The following PTOV1 variants were observed in gnomAD, a reference collection of about 807,000 sequenced individuals.
PTOV1 encodes PTOV1 extended AT-hook containing adaptor protein.
A neutral mutation model predicts 58.0 loss-of-function variants in PTOV1; 20 were observed. The observed-to-expected ratio is 0.34, with a 90% CI of 0.24 to 0.50. The LOEUF (loss-of-function observed/expected upper bound fraction) is 0.50, where lower values mean the gene tolerates loss of function less well. Ranked by LOEUF, PTOV1 falls within the 20% of genes least tolerant of loss-of-function variation. The pLI is 0.98. For missense variants in PTOV1, 593 were observed against 565.4 expected (o/e 1.05, Z -0.50); for synonymous variants, 335 against 234.2 (o/e 1.43, Z -3.93).
At chr19:49,851,618 G>T in intron 1 of PTOV1, 119 bp downstream of exon 1, 1 of 1,056,726 alleles carries the variant, frequency 9.5e-7, no homozygotes, top group Non-Finnish European at 1.2e-6. Flanking sequence ...TGGCCCGAAG[G>T]GTGGTCCCGC....
chr19:49,851,961 C>A (rs917605640), intron 1 of PTOV1: 2 of 985,268 alleles, frequency 2.0e-6, no homozygotes, highest in African/African-American at 1.7e-5. Flanking sequence ...GCGGCCGCTC[C>A]GTGCCCGTGG....
In PTOV1 at chr19:49,858,861, T is replaced by C. The variant is rs150359374; in HGVS notation, c.1041+208T>C. On this transcript the variant is annotated intron_variant, in intron 10 of 11. Coordinates refer to ENST00000391842, the Ensembl canonical transcript of PTOV1. ...CACTGACCCTGGTTCTGCGGGGGCC[T>C]GCTCCTCCTCTGCCACATCAGGGCT... 3,621 of 536,808 alleles carry C rather than the reference T, an allele frequency of 6.7e-3. 24 individuals carry two copies. The highest frequency in any genetic ancestry group is 0.02 in the Middle Eastern group (40 of 2,000). 33.3% of individuals were successfully genotyped at this position (536,808 alleles called of 1,614,324 possible). A position where few individuals can be genotyped will look rare whatever the true frequency, so the allele number is the denominator to read the frequency against.
intron 10 of PTOV1, 199 bp from the exon 11 acceptor site, chr19:49,859,787 T>C: frequency 1.6e-6 from 1 of 613,968 alleles, no homozygotes; most frequent in Admixed American, 2.9e-5. Flanking sequence ...CGACAGAGCC[T>C]GTTGGCCTTT....
At chr19:49,860,307 G>C in exon 12 of PTOV1, 1 of 1,602,478 alleles carries the variant, frequency 6.2e-7, no homozygotes, top group Non-Finnish European at 8.5e-7. Flanking sequence ...GCCCCTCCAG[G>C]AGTCACAGAT....
At chr19:49,859,764 C>G in intron 10 of PTOV1, 1 of 585,952 alleles carries the variant, frequency 1.7e-6, no homozygotes. Context: ...AATGCAGGTT[C>G]TTGGGCCCTT....
chr19:49,853,689 G>A (rs2074348557), intron 1 of PTOV1, among the ~76,000 whole-genome samples: 1 of 152,060 alleles, frequency 6.6e-6, no homozygotes, highest in Non-Finnish European at 1.5e-5. Flanking sequence ...TGGCTTTATT[G>A]CTAGAACTTT....
chr19:49,854,296 C>T, intron 1 of PTOV1, 110 bp from the exon 2 acceptor site: 1 of 1,424,908 alleles, frequency 7.0e-7, no homozygotes, highest in Non-Finnish European at 9.5e-7. Context: ...GGGCTTCCAG[C>T]AGGGGATTTG....
intron 1 of PTOV1, chr19:49,853,254 T>C (rs958298428): frequency 6.6e-6 from 1 of 152,166 alleles, no homozygotes; most frequent in Non-Finnish European, 1.5e-5. Flanking sequence ...TAATTTGTTT[T>C]CCCCCGCCTG....
Position 49,860,678 on chromosome 19 carries a change from CCT to C in PTOV1, c.*400_*401del, listed in dbSNP as rs2074718837. 1.6e-5 allele frequency: 6 copies of C among 386,852 alleles called. No individual in the cohort carries two copies. The South Asian group carries it at 2.5e-4, about 16-fold the overall frequency. 24.0% of individuals were successfully genotyped at this position (386,852 alleles called of 1,614,324 possible). The stretch of plus-strand genomic sequence containing the variant: ...TGCCCAGCAACATGGAGGATGGTGT[CCT>C]GAGGCCTCCAAGGACGGTCCCCACC... On this transcript the variant is annotated 3_prime_UTR_variant, in exon 12 of 12. Transcript: ENST00000391842.
intron 1 of PTOV1, 41 bp from the exon 2 acceptor site, chr19:49,854,365 C>T: frequency 6.3e-7 from 1 of 1,582,930 alleles, no homozygotes; most frequent in South Asian, 1.1e-5. Context: ...CCTTGCAGGC[C>T]CCGGCCTCAG....
intron 9 of PTOV1, 108 bp from the exon 10 acceptor site, chr19:49,858,441 G>A (rs928948389): frequency 1.2e-6 from 1 of 856,240 alleles, no homozygotes; most frequent in African/African-American, 1.7e-5. Context: ...AGGTAGGGAG[G>A]ACAGGGGAGT....
At chr19:49,859,998 C>T (rs754708401) in exon 11 of PTOV1, 3 of 1,614,148 alleles carry the variant, frequency 1.9e-6, no homozygotes, top group Non-Finnish European at 2.5e-6. Context: ...CGGCTGCGTG[C>T]ACTTTTCCTA....
intron 10 of PTOV1, chr19:49,858,948 T>G: frequency 3.5e-6 from 1 of 288,042 alleles, no homozygotes. Flanking sequence ...CACTCCTGGT[T>G]TCCCGGGAGC....
At position 49,857,686 on chromosome 19, in the gene PTOV1, C is replaced by G. The variant is rs758810107; in HGVS notation, c.715-7C>G. The stretch of plus-strand genomic sequence containing the variant: ...GCCCCTCTTCCCACCCCGTTCCCTT[C>G]CAACAGGCAGTGGGACCTGGTGGTG... On this transcript the variant is annotated splice_region_variant and splice_polypyrimidine_tract_variant and intron_variant, in intron 6 of 11. Coordinates refer to ENST00000391842, the Ensembl canonical transcript of PTOV1. The G allele has an allele frequency of 7.4e-6, 12 of 1,613,430 alleles. No homozygotes were observed. The highest frequency in any genetic ancestry group is 2.7e-5 in the African/African-American group (2 of 74,926).
chr19:49,857,294 T>G (rs947636078), intron 6 of PTOV1, 164 bp downstream of exon 6: 2 of 1,019,690 alleles, frequency 2.0e-6, no homozygotes, highest in East Asian at 2.5e-5. Context: ...CAGGGCTCCA[T>G]GGAAAAGCGG....
intron 1 of PTOV1, chr19:49,852,518 G>A (rs1315036491): frequency 6.6e-6 from 1 of 152,198 alleles, no homozygotes; most frequent in African/African-American, 2.4e-5. Flanking sequence ...GCGCAGTTTT[G>A]CACACGATTG....
In PTOV1 at chr19:49,860,648, T is replaced by G. The variant is rs2074717403; in HGVS notation, c.*369T>G. ...TTCTGAGCAGGGGCCCCTGGGGACT[T>G]CAACTGCCCAGCAACATGGAGGATG... On this transcript the variant is annotated 3_prime_UTR_variant, in exon 12 of 12. Coordinates refer to ENST00000391842, the Ensembl canonical transcript of PTOV1. The G allele has an allele frequency of 1.2e-5, 5 of 428,296 alleles. No individual in the cohort carries two copies. The South Asian group carries it at 1.2e-4, about 10-fold the overall frequency. 26.5% of individuals were successfully genotyped at this position (428,296 alleles called of 1,614,324 possible). A position where few individuals can be genotyped will look rare whatever the true frequency, so the allele number is the denominator to read the frequency against.
At chr19:49,858,230 G>T (rs2074569036) in intron 9 of PTOV1, 116 bp downstream of exon 9, 4 of 1,320,220 alleles carry the variant, frequency 3.0e-6, no homozygotes, top group Non-Finnish European at 4.1e-6. Context: ...GAGCGGAGCT[G>T]AGGGTGCTGA....
At chr19:49,860,421 C>A in exon 12 of PTOV1, 1 of 1,305,076 alleles carries the variant, frequency 7.7e-7, no homozygotes, top group South Asian at 1.4e-5. Flanking sequence ...GCGACCTTGG[C>A]CTTGGGGAGA....
Sources: gnomAD v4.1 joint callset for allele counts (sites outside exome capture counted in the v4.1 genomes callset) on GRCh38, gnomAD v4.1.1 for gene constraint, MANE v1.5 for transcripts, NCBI Gene and HGNC (gene_info 2026-07-23, HGNC 2026-07-21) for gene names.